ANKHD1: variants seen among roughly 807,000 people sequenced by gnomAD.
The protein encoded by ANKHD1 is ankyrin repeat and KH domain-containing protein 1.
In ANKHD1, 31 loss-of-function variants were observed where a neutral mutation model predicts 230.5. The ratio of observed to expected loss-of-function variants is 0.13; its 90% CI spans 0.10 to 0.18. The LOEUF is 0.18. ANKHD1 is among the 10% of genes least tolerant of loss of function. The probability of loss-of-function intolerance (pLI) is 1.00; values close to 1 mark genes in which losing one functional copy is unlikely to be tolerated. For missense variants in ANKHD1, 2,256 were observed against 3,071.3 expected (o/e 0.73, Z 6.27); for synonymous variants, 1,074 against 1,117.6 (o/e 0.96, Z 0.78).
rs540687554 is a variant in ANKHD1, at chr5:140,468,282, A to C, written c.1782+3506A>C. On this transcript the variant is annotated intron_variant, in intron 10 of 33. Transcript: ENST00000360839. ...CCGTCTCAAAAAAAAAACAAAAAAA[A>C]ACAAAAAAACAAAAACGTAGTTTAT... Among the ~76,000 whole-genome samples, 6 of 151,504 alleles carry C rather than the reference A, an allele frequency of 4.0e-5. No homozygotes were observed. The South Asian group carries it at 1.0e-3, about 26-fold the overall frequency.
At chr5:140,466,265 C>G (rs1299425674) in intron 10 of ANKHD1, among the ~76,000 whole-genome samples, 3 of 152,212 alleles carry the variant, frequency 2.0e-5, no homozygotes, top group Admixed American at 6.5e-5. Flanking sequence ...GTGGCACATG[C>G]CTGTAATCCC....
At chr5:140,508,380 T>TA (rs1752624052) in intron 20 of ANKHD1, among the ~76,000 whole-genome samples, 1 of 152,180 alleles carries the variant, frequency 6.6e-6, no homozygotes, top group Non-Finnish European at 1.5e-5. Flanking sequence ...ATTCACAAGT[T>TA]ATAAAATTAG....
intron 14 of ANKHD1, among the ~76,000 whole-genome samples, chr5:140,487,463 G>T (rs905196816): frequency 2.0e-5 from 3 of 152,152 alleles, no homozygotes; most frequent in Non-Finnish European, 4.4e-5. Flanking sequence ...CAGTTAATGA[G>T]TGAGAAGTTT....
intron 8 of ANKHD1, 122 bp downstream of exon 8, chr5:140,458,984 A>ATATATG (rs1775474413): frequency 1.0e-4 from 2 of 20,008 alleles, no homozygotes; most frequent in Non-Finnish European, 1.7e-4. Context: ...ATATATGCAT[A>ATATATG]TATATATATA....
chr5:140,506,436 T>C lies in ANKHD1; in HGVS notation c.3409-399T>C, dbSNP rs571371328. Reference sequence around the variant, plus strand: ...TTGGCCTCCCAAAGTGCTGGGATTATAGGCATGAGCCACCATGCCTGGCCA... The same window carrying C: ...TTGGCCTCCCAAAGTGCTGGGATTACAGGCATGAGCCACCATGCCTGGCCA... On this transcript the variant is annotated intron_variant, in intron 18 of 33. Coordinates refer to ENST00000360839, the MANE Select transcript of ANKHD1 (RefSeq NM_017747.3). This position sits in a 1 kb window ranked among gnomAD's most constrained non-coding sequence, Gnocchi z 4.7. 6.6e-6 allele frequency among the ~76,000 whole-genome samples: 1 copy of C among 152,296 alleles called. No homozygotes were observed. The highest frequency in any genetic ancestry group is 2.4e-5 in the African/African-American group (1 of 41,564).
In ANKHD1 at chr5:140,496,857, A is replaced by G; in HGVS notation, c.2583A>G (p.Lys861=). ...QQFTKEYLET[K]GQKDTVSLHQ... is the part of the protein sequence containing the mutation. The stretch of plus-strand genomic sequence containing the variant: ...TTACCAAAGAATACTTGGAAACCAA[A>G]GGTCAGAAAGACACAGTGTCTCTAC... The change falls in exon 15 of 34, where the codon AAA becomes AAG. Residue 861 remains lysine, a synonymous_variant. Transcript: ENST00000360839. The G allele has an allele frequency of 6.2e-7, 1 of 1,614,198 alleles. No homozygotes were observed. Among genetic ancestry groups the G allele is most frequent in the Non-Finnish European group, 8.5e-7 (1 of 1,180,026 alleles).
Position 140,459,282 on chromosome 5 carries a change from T to C in ANKHD1, c.1599T>C (p.Leu533=), listed in dbSNP as rs963103900. Residue 533 remains leucine, a synonymous_variant, in exon 9 of 34, where the codon CTT becomes CTC. Coordinates refer to ENST00000360839, the MANE Select transcript of ANKHD1 (RefSeq NM_017747.3). The stretch of plus-strand genomic sequence containing the variant: ...TTAAGGCAGGGGCTGATATAGAACT[T>C]GGCTGCTCCACACCTCTGATGGAGG... ...FLIKAGADIE[L]GCSTPLMEAS... 8.1e-6 allele frequency: 13 copies of C among 1,602,404 alleles called. No homozygotes were observed. Among genetic ancestry groups the C allele is most frequent in the Non-Finnish European group, 1.1e-5 (13 of 1,171,780 alleles).
rs77276597 is a variant in ANKHD1 at position 140,498,563 on chromosome 5, G to A, written c.3004+1285G>A. 6.5e-3 allele frequency among the ~76,000 whole-genome samples: 994 copies of A among 152,194 alleles called. 7 individuals are homozygous for A. Among genetic ancestry groups the A allele is most frequent in the African/African-American group, 0.021 (855 of 41,528 alleles). On this transcript the variant is annotated intron_variant, in intron 15 of 33. Transcript: ENST00000360839. ...TTAGGCTCTTTGTTCTTTAATTTGG[G>A]TTTTTATATCTTCAGTTGGTAGACA... is the stretch of plus-strand genomic sequence containing the variant.
In ANKHD1 at chr5:140,539,781, G is replaced by T; in HGVS notation, c.*363G>T. The T allele has an allele frequency of 5.7e-6, 1 of 175,272 alleles. No individual in the cohort carries two copies. The highest frequency in any genetic ancestry group is 1.2e-5 in the Non-Finnish European group (1 of 82,436). The allele number at this position is 175,272 out of a possible 1,614,324, so 10.9% of individuals were successfully genotyped here. On this transcript the variant is annotated 3_prime_UTR_variant, in exon 34 of 34. Transcript: ENST00000360839. ...TGAGTAAATTTCTTGTCATATAGTG[G>T]CTCTACGTAATGTAGCCTGTATTAA...
At chr5:140,452,225 G>GC (rs1422389822) in intron 7 of ANKHD1, among the ~76,000 whole-genome samples, 2 of 152,212 alleles carry the variant, frequency 1.3e-5, no homozygotes, top group Non-Finnish European at 2.9e-5. Flanking sequence ...CGGCTAGGAA[G>GC]CTCAAACTGG....
intron 1 of ANKHD1, among the ~76,000 whole-genome samples, chr5:140,433,648 TGA>T (rs1439712149): frequency 1.3e-5 from 2 of 152,062 alleles, no homozygotes; most frequent in South Asian, 2.1e-4. Context: ...ATTATCATAG[TGA>T]GAGAGAGATA....
intron 1 of ANKHD1, among the ~76,000 whole-genome samples, chr5:140,427,652 C>G (rs1296110896): frequency 8.2e-5 from 12 of 146,878 alleles, no homozygotes; most frequent in Admixed American, 1.3e-4. Flanking sequence ...GGGGGCTGAC[C>G]CCCCCACCTC....
At chr5:140,530,523 G>A (rs936052689) in intron 29 of ANKHD1, among the ~76,000 whole-genome samples, 2 of 152,084 alleles carry the variant, frequency 1.3e-5, no homozygotes, top group South Asian at 2.1e-4. Context: ...CCTAGATACA[G>A]CTATTTGAAG....
intron 1 of ANKHD1, among the ~76,000 whole-genome samples, chr5:140,415,669 C>T (rs909205616): frequency 6.6e-6 from 1 of 151,824 alleles, no homozygotes; most frequent in African/African-American, 2.4e-5. Flanking sequence ...AACTCCTGAC[C>T]TCAAGTGATC....
At chr5:140,419,309 G>GTTTTTTT (rs70988760) in intron 1 of ANKHD1, among the ~76,000 whole-genome samples, 1 of 150,750 alleles carries the variant, frequency 6.6e-6, no homozygotes, top group Non-Finnish European at 1.5e-5. Flanking sequence ...TGTTGATTGG[G>GTTTTTTT]TTTTTTTTAT....
At chr5:140,452,078 G>A (rs538707062) in intron 7 of ANKHD1, among the ~76,000 whole-genome samples, 49 of 152,238 alleles carry the variant, frequency 3.2e-4, no homozygotes, top group Middle Eastern at 6.8e-3. Flanking sequence ...ATTATATCCC[G>A]CGCGTGGCTC....
rs754797684 is a variant in ANKHD1, at chr5:140,507,755, T to C, written c.3552-30T>C. 55 of 1,603,990 alleles carry C rather than the reference T, an allele frequency of 3.4e-5. No homozygotes were observed. In the South Asian group the frequency reaches 5.8e-4, roughly 17 times the overall value. On this transcript the variant is annotated intron_variant, in intron 19 of 33. Coordinates refer to ENST00000360839, the MANE Select transcript of ANKHD1 (RefSeq NM_017747.3). This position sits in a 1 kb window ranked among gnomAD's most constrained non-coding sequence, Gnocchi z 4.1. ...CTAAAATAATAGGCAACATATTATT[T>C]TAATTTTCTAAGCACATTTCCCCCT...
At chr5:140,407,044 C>G (rs1467154119) in intron 1 of ANKHD1, among the ~76,000 whole-genome samples, 1 of 152,036 alleles carries the variant, frequency 6.6e-6, no homozygotes, top group East Asian at 1.9e-4. Context: ...CGCCTGTAAT[C>G]CCAGCACTTT....
Position 140,427,517 on chromosome 5 carries a change from C to G in ANKHD1, c.307-8587C>G, listed in dbSNP as rs534067667. Among the ~76,000 whole-genome samples the G allele has an allele frequency of 8.3e-4, 113 of 135,748 alleles. 1 individual carries two copies. The South Asian group carries it at 0.013, about 16-fold the overall frequency. The allele number at this position is 135,748 out of a possible 152,430, so 89.1% of individuals were successfully genotyped here. ...GCGGCCGGGCAGAGGCGCCCCTCAC[C>G]TCCCGGACGGGGCGGCTGGCCGGGC... On this transcript the variant is annotated intron_variant, in intron 1 of 33. Transcript: ENST00000360839.
Sources: allele counts gnomAD v4.1 joint callset (sites outside exome capture counted in the v4.1 genomes callset), GRCh38; gene constraint gnomAD v4.1.1; non-coding constraint Gnocchi (gnomAD v3.1); transcripts MANE v1.5; gene names NCBI Gene and HGNC (gene_info 2026-07-23, HGNC 2026-07-21).